The following SGCZ variants were observed in gnomAD, a reference collection of about 807,000 sequenced individuals.
The protein encoded by SGCZ is zeta-sarcoglycan.
In SGCZ, 40 loss-of-function variants were observed where a neutral mutation model predicts 41.3. The observed-to-expected ratio is 0.97, with a 90% CI of 0.75 to 1.26. The LOEUF (loss-of-function observed/expected upper bound fraction) is 1.26. SGCZ is among the 50% of genes most tolerant of loss of function. SGCZ has a pLI of 0.00. For synonymous variants in SGCZ, 206 were observed against 137.5 expected, an observed-to-expected ratio of 1.50 and a Z score of -3.49; for missense variants, 552 against 369.8, an observed-to-expected ratio of 1.49 and a Z score of -4.04.
rs552851702 is a variant in SGCZ at position 14,549,066 on chromosome 8, G to A, written c.234+5666C>T. 1.8e-4 allele frequency among the ~76,000 whole-genome samples: 28 copies of A among 152,138 alleles called. No individual in the cohort carries two copies. The South Asian group carries it at 5.6e-3, about 30-fold the overall frequency. On this transcript the variant is annotated intron_variant, in intron 2 of 7. Transcript: ENST00000382080. ...GGTAGTAATTTACCAGTTAATTGCC[G>A]GCCAATGCTGCCTGTTAATTACCAG...
chr8:14,397,852 G>C (rs1306348980), intron 2 of SGCZ, among the ~76,000 whole-genome samples: 1 of 152,100 alleles, frequency 6.6e-6, no homozygotes, highest in Non-Finnish European at 1.5e-5. Context: ...TGTCAACCCT[G>C]AGCAGAGCCA....
intron 4 of SGCZ, among the ~76,000 whole-genome samples, chr8:14,228,764 C>G (rs977229): frequency 1.3e-5 from 2 of 151,958 alleles, no homozygotes; most frequent in African/African-American, 4.8e-5. Flanking sequence ...ACCCTCAAGA[C>G]TAGAATTACT....
At chr8:14,756,003 A>G (rs1028910694) in intron 1 of SGCZ, among the ~76,000 whole-genome samples, 1 of 152,176 alleles carries the variant, frequency 6.6e-6, no homozygotes, top group Non-Finnish European at 1.5e-5. Context: ...AAATTATAAG[A>G]TATTTTACTA....
At chr8:14,550,639 T>C (rs983735945) in intron 2 of SGCZ, among the ~76,000 whole-genome samples, 6 of 151,822 alleles carry the variant, frequency 4.0e-5, no homozygotes, top group Admixed American at 3.9e-4. Context: ...ATAAATACCA[T>C]TGCGTAGATC....
chr8:14,945,005 T>C (rs1005889625), intron 1 of SGCZ, among the ~76,000 whole-genome samples: 4 of 152,026 alleles, frequency 2.6e-5, no homozygotes, highest in Non-Finnish European at 5.9e-5. Context: ...TAAGCATCAG[T>C]CTTTGAACCA....
chr8:14,803,369 G>A lies in SGCZ; in HGVS notation c.40-248443C>T, dbSNP rs545017713. Among the ~76,000 whole-genome samples the A allele has an allele frequency of 2.4e-3, 364 of 152,166 alleles. 1 individual carries two copies. The highest frequency in any genetic ancestry group is 7.9e-3 in the African/African-American group (330 of 41,556). ...ACAGTGGGCGCAGGTCAGTGGGTGC[G>A]CGCACCATGCGCAAGCCGAAGCAGG... On this transcript the variant is annotated intron_variant, in intron 1 of 7. Coordinates refer to ENST00000382080, the MANE Select transcript of SGCZ (RefSeq NM_139167.4).
chr8:14,514,136 C>T (rs1269860471), intron 2 of SGCZ, among the ~76,000 whole-genome samples: 2 of 152,002 alleles, frequency 1.3e-5, no homozygotes, highest in African/African-American at 2.4e-5. Flanking sequence ...CCCAGATATA[C>T]AGCAGTGATA....
rs370269715 is a variant in SGCZ at position 14,665,427 on chromosome 8, C to G, written c.40-110501G>C. ...CAGTCTATCATTGTTGGACATTTGGCTTGGTTCCAAGTCTTTGCTATTGTG... is the reference window on the plus strand; with the variant it reads ...CAGTCTATCATTGTTGGACATTTGGGTTGGTTCCAAGTCTTTGCTATTGTG... On this transcript the variant is annotated intron_variant, in intron 1 of 7. Transcript: ENST00000382080. 4.6e-5 allele frequency among the ~76,000 whole-genome samples: 7 copies of G among 152,214 alleles called. No homozygotes were observed. In the East Asian group the frequency reaches 9.7e-4, roughly 21 times the overall value.
intron 1 of SGCZ, among the ~76,000 whole-genome samples, chr8:15,048,804 A>T (rs1322192358): frequency 6.6e-6 from 1 of 152,030 alleles, no homozygotes; most frequent in African/African-American, 2.4e-5. Context: ...AACTGTGTGA[A>T]GTTGTTTTTT....
intron 1 of SGCZ, among the ~76,000 whole-genome samples, chr8:15,017,023 G>C (rs1006585719): frequency 6.6e-6 from 1 of 152,106 alleles, no homozygotes; most frequent in Admixed American, 6.6e-5. Context: ...CCTCCCACTA[G>C]ACTCCACCTT....
At chr8:14,728,059 G>A (rs975908496) in intron 1 of SGCZ, among the ~76,000 whole-genome samples, 2 of 152,006 alleles carry the variant, frequency 1.3e-5, no homozygotes, top group South Asian at 2.1e-4. Flanking sequence ...ATGTATCTAC[G>A]GTGATAAAAA....
chr8:14,638,398 C>T (rs1361740396), intron 1 of SGCZ, among the ~76,000 whole-genome samples: 1 of 151,844 alleles, frequency 6.6e-6, no homozygotes, highest in Non-Finnish European at 1.5e-5. Flanking sequence ...AATTGGAATA[C>T]ATTCTCAATG....
chr8:14,426,778 T>A (rs1411089282), intron 2 of SGCZ, among the ~76,000 whole-genome samples: 2 of 152,010 alleles, frequency 1.3e-5, no homozygotes, highest in Non-Finnish European at 2.9e-5. Flanking sequence ...AAGGTACAGG[T>A]GTTTTACTAA....
At position 14,086,173 on chromosome 8, in the gene SGCZ, G is replaced by A. The variant is rs990249395; in HGVS notation, c.*4270C>T. 6.6e-6 allele frequency among the ~76,000 whole-genome samples: 1 copy of A among 151,554 alleles called. No individual in the cohort carries two copies. The highest frequency in any genetic ancestry group is 1.5e-5 in the Non-Finnish European group (1 of 67,744). On this transcript the variant is annotated 3_prime_UTR_variant, in exon 8 of 8. Transcript: ENST00000382080. ...TAGACCACAGCTATTTGAAGAATTA[G>A]GTGACAAGACCTCACTCATATAAAA...
chr8:14,648,077 G>C (rs895230442), intron 1 of SGCZ, among the ~76,000 whole-genome samples: 2 of 151,842 alleles, frequency 1.3e-5, no homozygotes, highest in African/African-American at 4.8e-5. Context: ...TTGACAGGGA[G>C]TGACCTAAGC....
chr8:14,912,777 T>C (rs1296784665), intron 1 of SGCZ, among the ~76,000 whole-genome samples: 2 of 152,154 alleles, frequency 1.3e-5, no homozygotes, highest in South Asian at 2.1e-4. Flanking sequence ...CCAGAATTGA[T>C]GAAAAATGAA....
At chr8:14,523,259 T>A (rs1425636799) in intron 2 of SGCZ, among the ~76,000 whole-genome samples, 1 of 152,030 alleles carries the variant, frequency 6.6e-6, no homozygotes, top group Non-Finnish European at 1.5e-5. Context: ...ACTTACAGTG[T>A]TCATTCTTAC....
At chr8:15,071,938 T>G (rs2131029384) in intron 1 of SGCZ, among the ~76,000 whole-genome samples, 1 of 152,284 alleles carries the variant, frequency 6.6e-6, no homozygotes, top group African/African-American at 2.4e-5. Flanking sequence ...GGCAGACAAC[T>G]TCTTTCCGGA....
chr8:14,666,660 G>C (rs1807920170), intron 1 of SGCZ, among the ~76,000 whole-genome samples: 1 of 143,178 alleles, frequency 7.0e-6, no homozygotes, highest in South Asian at 2.2e-4. Context: ...GAGAGACAAG[G>C]ACATATCTTG....
Sources: gnomAD v4.1 joint callset for allele counts (sites outside exome capture counted in the v4.1 genomes callset) on GRCh38, gnomAD v4.1.1 for gene constraint, MANE v1.5 for transcripts, NCBI Gene and HGNC (gene_info 2026-07-23, HGNC 2026-07-21) for gene names.